Variants in ZNF106 observed in about 807,000 individuals in gnomAD.
ZNF106 encodes the protein zinc finger protein 106, also known as SH3-domain binding protein 3.
A neutral mutation model predicts 195.1 loss-of-function variants in ZNF106; 67 were observed. The observed-to-expected ratio is 0.34, with a 90% CI of 0.28 to 0.42. ZNF106 has a LOEUF of 0.42. Among genes scored for constraint, ZNF106 ranks in the 10% least tolerant of loss-of-function variants. The pLI, the probability that ZNF106 is intolerant of heterozygous loss-of-function variation, is 1.00. For synonymous variants in ZNF106, 784 were observed against 818.6 expected (o/e 0.96, Z 0.72); for missense variants, 2,118 against 2,304.5 (o/e 0.92, Z 1.66).
intron 14 of ZNF106, among the ~76,000 whole-genome samples, chr15:42,435,161 T>C (rs567938039): frequency 6.6e-6 from 1 of 152,294 alleles, no homozygotes; most frequent in South Asian, 2.1e-4. Context: ...GGTATATTAT[T>C]AATAGTAGGA....
chr15:42,463,497 G>C (rs2141397030), intron 3 of ZNF106, among the ~76,000 whole-genome samples: 1 of 152,192 alleles, frequency 6.6e-6, no homozygotes, highest in South Asian at 2.1e-4. Context: ...AGGAATTCAA[G>C]ACCACCCTGA....
chr15:42,440,451 T>C (rs748433011), intron 10 of ZNF106, among the ~76,000 whole-genome samples: 32 of 152,316 alleles, frequency 2.1e-4, no homozygotes, highest in Middle Eastern at 6.8e-3. Flanking sequence ...CAACTTGTAA[T>C]ATAAAATACT....
In ZNF106 at chr15:42,450,759, A is replaced by G. The variant is rs748845695; in HGVS notation, c.1513T>C (p.Ser505Pro). 1.9e-5 allele frequency: 31 copies of G among 1,613,934 alleles called. No individual in the cohort carries two copies. The Admixed American group carries it at 4.2e-4, about 22-fold the overall frequency. ...GAGGGATTTGAGTGTTCTCCAGGGGAAAAAAAATTTGTTTTGGTGTTTTTT... is the reference window on the plus strand; with the variant it reads ...GAGGGATTTGAGTGTTCTCCAGGGGGAAAAAAATTTGTTTTGGTGTTTTTT... ...ISKNTKTNFFSPGEHSNPSNK... is the reference protein window; with the variant it reads ...ISKNTKTNFFPPGEHSNPSNK... The change falls in exon 5 of 22, where the codon TCC becomes CCC. Residue 505 changes from serine (S) to proline (P), a missense_variant. Transcript: ENST00000564754.
intron 14 of ZNF106, among the ~76,000 whole-genome samples, chr15:42,430,913 A>G (rs890093179): frequency 6.6e-6 from 1 of 152,008 alleles, no homozygotes; most frequent in African/African-American, 2.4e-5. Context: ...CCAAAGCACT[A>G]GAATTACAGG....
chr15:42,452,002 C>G, intron 4 of ZNF106, 48 bp from the exon 5 acceptor site: 1 of 1,557,812 alleles, frequency 6.4e-7, no homozygotes, highest in South Asian at 1.2e-5. Flanking sequence ...AATTCCTATG[C>G]TACCTTGAAA....
rs2054488760 is a variant in ZNF106 at position 42,417,244 on chromosome 15, T to TG, written c.*59dup. On this transcript the variant is annotated 3_prime_UTR_variant, in exon 22 of 22. Coordinates refer to ENST00000564754, the MANE Select transcript of ZNF106 (RefSeq NM_001366845.3). Reference sequence around the variant, plus strand: ...AAGAAAGGGAAGAGAGTGGCCTGTGTGGGGGGCCAATGTGAAAATAGTTCA... The same window carrying TG: ...AAGAAAGGGAAGAGAGTGGCCTGTGTGGGGGGGCCAATGTGAAAATAGTTCA... 4.4e-6 allele frequency: 7 copies of TG among 1,578,588 alleles called. No homozygotes were observed. Among genetic ancestry groups the TG allele is most frequent in the Non-Finnish European group, 6.1e-6 (7 of 1,148,458 alleles).
chr15:42,441,145 G>C (rs1268724575), intron 10 of ZNF106, among the ~76,000 whole-genome samples: 1 of 138,624 alleles, frequency 7.2e-6, no homozygotes, highest in Non-Finnish European at 1.6e-5. Flanking sequence ...GACCAGCCTG[G>C]GCAACATGGT....
At position 42,450,894 on chromosome 15, in the gene ZNF106, T is replaced by C; in HGVS notation, c.1378A>G (p.Lys460Glu). The C allele has an allele frequency of 6.2e-7, 1 of 1,614,188 alleles. No homozygotes were observed. The highest frequency in any genetic ancestry group is 1.1e-5 in the South Asian group (1 of 91,086). Residue 460 changes from lysine (K) to glutamate (E), a missense_variant, in exon 5 of 22, where the codon AAA becomes GAA. Lys to Glu is a moderately conservative substitution (Grantham distance 56). Coordinates refer to ENST00000564754, the MANE Select transcript of ZNF106 (RefSeq NM_001366845.3). The stretch of plus-strand genomic sequence containing the variant: ...TTTGGTGTATGCTCTTGTTCAGGTT[T>C]TTCTGCAGTGGGGCACTGTCTCACC... ...EVVRQCPTAEKPEQEHTPNKM... is the reference protein window; with the variant it reads ...EVVRQCPTAEEPEQEHTPNKM...
chr15:42,435,355 C>T (rs1162842706), intron 14 of ZNF106, 29 bp downstream of exon 14: 6 of 1,613,632 alleles, frequency 3.7e-6, no homozygotes, highest in Admixed American at 3.3e-5. Flanking sequence ...TCAATATGAA[C>T]CACTTTGGAT....
intron 1 of ZNF106, among the ~76,000 whole-genome samples, chr15:42,474,052 C>A (rs994662512): frequency 1.3e-5 from 2 of 152,156 alleles, no homozygotes; most frequent in Non-Finnish European, 2.9e-5. Flanking sequence ...CAGCCAGAAG[C>A]GTGAGCCATC....
intron 14 of ZNF106, among the ~76,000 whole-genome samples, chr15:42,433,491 C>CTT (rs1249009364): frequency 8.9e-6 from 1 of 111,974 alleles, no homozygotes; most frequent in African/African-American, 3.7e-5. Context: ...TTTTTCTTTT[C>CTT]TTTTTTTTTT....
At position 42,456,992 on chromosome 15, in the gene ZNF106, T is replaced by A; in HGVS notation, c.283A>T (p.Ile95Phe). The part of the protein sequence containing the change: ...EEEDYFDKEL[I>F]QLIKQRKEQS... The stretch of plus-strand genomic sequence containing the variant: ...TCTTTCCTTTGTTTTATTAACTGAA[T>A]GAGTTCCTTGTCAAAATAATCTTCT... Residue 95 changes from isoleucine to phenylalanine, a missense_variant, in exon 4 of 22, where the codon ATT becomes TTT. Physicochemically the swap from Ile to Phe is conservative, Grantham distance 21. Coordinates refer to ENST00000564754, the MANE Select transcript of ZNF106 (RefSeq NM_001366845.3). 6.2e-7 allele frequency: 1 copy of A among 1,612,476 alleles called. No individual in the cohort carries two copies.
Position 42,418,659 on chromosome 15 carries a change from G to A in ZNF106, c.5518-708C>T, listed in dbSNP as rs150383465. ...CTCCCAAAGTGCTGGGATTACAGGC[G>A]TGAGCCACCGCACCCCGCCCGAAAG... On this transcript the variant is annotated intron_variant, in intron 20 of 21. Transcript: ENST00000564754. Among the ~76,000 whole-genome samples, 465 of 150,698 alleles carry A rather than the reference G, an allele frequency of 3.1e-3. 4 individuals carry two copies. The highest frequency in any genetic ancestry group is 0.011 in the African/African-American group (452 of 41,038).
chr15:42,471,523 G>A (rs2056668305), intron 2 of ZNF106, among the ~76,000 whole-genome samples: 1 of 152,100 alleles, frequency 6.6e-6, no homozygotes, highest in South Asian at 2.1e-4. Flanking sequence ...CTGTGGTCAG[G>A]AGTTCAAGAC....
At chr15:42,488,285 C>G (rs779913065) in intron 1 of ZNF106, among the ~76,000 whole-genome samples, 6 of 152,240 alleles carry the variant, frequency 3.9e-5, no homozygotes, top group Non-Finnish European at 8.8e-5. Flanking sequence ...CCCTCTTTTG[C>G]ACCTTTTCTT....
chr15:42,415,424 C>T lies in ZNF106; in HGVS notation c.*1880G>A, dbSNP rs1240895756. On this transcript the variant is annotated 3_prime_UTR_variant, in exon 22 of 22. Coordinates refer to ENST00000564754, the MANE Select transcript of ZNF106 (RefSeq NM_001366845.3). ...GGTGTGAGCCACCAGGCCCGGCCTC[C>T]TAGATTAATTCTTGACATTTTTTGG... The T allele has an allele frequency of 2.2e-6, 1 of 451,748 alleles. No individual in the cohort carries two copies. The highest frequency in any genetic ancestry group is 4.4e-6 in the Non-Finnish European group (1 of 225,056). 28.0% of individuals were successfully genotyped at this position (451,748 alleles called of 1,614,324 possible). A position where few individuals can be genotyped will look rare whatever the true frequency, so the allele number is the denominator to read the frequency against.
rs568770468 is a variant in ZNF106, at chr15:42,424,575, T to A, written c.5190+259A>T. ...ATCATGGCTCACTGCAGCCTCGATC[T>A]TTGGTGCTCAAGTGATTCTCCCACC... On this transcript the variant is annotated intron_variant, in intron 16 of 21. Coordinates refer to ENST00000564754, the MANE Select transcript of ZNF106 (RefSeq NM_001366845.3). The A allele has an allele frequency of 3.8e-4, 153 of 402,588 alleles. 1 individual carries two copies. Among genetic ancestry groups the A allele is most frequent in the African/African-American group, 2.9e-3 (145 of 49,802 alleles). 24.9% of individuals were successfully genotyped at this position (402,588 alleles called of 1,614,324 possible).
chr15:42,424,728 C>A, intron 16 of ZNF106, 106 bp downstream of exon 16: 1 of 1,161,964 alleles, frequency 8.6e-7, no homozygotes, highest in Non-Finnish European at 1.2e-6. Flanking sequence ...GATCCCCCTG[C>A]CTCACCCTCC....
rs567163668 is a variant in ZNF106 at position 42,436,423 on chromosome 15, T to G, written c.4746+809A>C. Among the ~76,000 whole-genome samples the G allele has an allele frequency of 3.9e-5, 6 of 152,290 alleles. No homozygotes were observed. In the East Asian group the frequency reaches 1.2e-3, roughly 29 times the overall value. On this transcript the variant is annotated intron_variant, in intron 13 of 21. Transcript: ENST00000564754. ...GCTTCCTTTTTTCAGTCATTCGTGT[T>G]AATCCTCATATCATTAAGCTAAAGG...
Sources: allele counts gnomAD v4.1 joint callset (sites outside exome capture counted in the v4.1 genomes callset), GRCh38; gene constraint gnomAD v4.1.1; transcripts MANE v1.5; gene names NCBI Gene and HGNC (gene_info 2026-07-23, HGNC 2026-07-21).